FGF12: variants seen among roughly 807,000 people sequenced by gnomAD.
The protein encoded by FGF12 is fibroblast growth factor 12, also known as fibroblast growth factor 12B.
FGF12 carries 14 observed loss-of-function variants against 23.6 expected under a neutral mutation model. The ratio of observed to expected loss-of-function variants is 0.59; its 90% confidence interval spans 0.39 to 0.93. FGF12 has a LOEUF of 0.93. FGF12 is among the 40% of genes least tolerant of loss of function. The pLI is 0.00. For missense variants in FGF12, 175 were observed against 217.8 expected, an observed-to-expected ratio of 0.80 and a Z score of 1.24; for synonymous variants, 62 against 77.3, an observed-to-expected ratio of 0.80 and a Z score of 1.04.
rs7623914 is a variant in FGF12 at position 192,386,245 on chromosome 3, T to C, written c.14-25707A>G. Among the ~76,000 whole-genome samples, 146 of 152,362 alleles carry C rather than the reference T, an allele frequency of 9.6e-4. 1 individual carries two copies. Among genetic ancestry groups the C allele is most frequent in the African/African-American group, 3.3e-3 (137 of 41,586 alleles). On this transcript the variant is annotated intron_variant, in intron 2 of 5. Transcript: ENST00000445105. ...TAGTTTTTCATGGTCTTGAACTCTC[T>C]TCTTGATAGCTCATTCACTCATACA... is the stretch of plus-strand genomic sequence containing the variant.
chr3:192,554,760 T>C (rs1451485485), intron 2 of FGF12, among the ~76,000 whole-genome samples: 2 of 150,874 alleles, frequency 1.3e-5, no homozygotes, highest in Non-Finnish European at 2.9e-5. Flanking sequence ...AGATTTTAAA[T>C]TGCTACTATA....
chr3:192,250,601 C>A (rs9810841), intron 4 of FGF12, among the ~76,000 whole-genome samples: 13,641 of 152,028 alleles, frequency 0.09, 1,185 homozygotes, highest in African/African-American at 0.23. Flanking sequence ...TTGCTGCTAA[C>A]AATAATTCAA....
At chr3:192,662,151 T>C (rs1716693741) in intron 2 of FGF12, among the ~76,000 whole-genome samples, 1 of 152,190 alleles carries the variant, frequency 6.6e-6, no homozygotes, top group Admixed American at 6.5e-5. Context: ...AAGAAGGAAG[T>C]AGCCTCAAGG....
intron 5 of FGF12, 121 bp downstream of exon 5, chr3:192,170,337 T>C (rs1334173970): frequency 5.3e-6 from 4 of 753,844 alleles, no homozygotes; most frequent in Non-Finnish European, 8.9e-6. Flanking sequence ...AATATTTCTT[T>C]TGAATCTTTC....
chr3:192,199,475 CA>C (rs1171804449), intron 4 of FGF12, among the ~76,000 whole-genome samples: 5 of 151,748 alleles, frequency 3.3e-5, no homozygotes. Flanking sequence ...GCATTGTCTG[CA>C]AATACCAAGT....
intron 2 of FGF12, among the ~76,000 whole-genome samples, chr3:192,612,775 A>C (rs1361458843): frequency 1.3e-5 from 2 of 152,010 alleles, no homozygotes; most frequent in Non-Finnish European, 2.9e-5. Flanking sequence ...AAATAGGGAC[A>C]TTTAAGCCAA....
At chr3:192,240,274 C>G (rs1030978005) in intron 4 of FGF12, among the ~76,000 whole-genome samples, 1 of 152,098 alleles carries the variant, frequency 6.6e-6, no homozygotes, top group Non-Finnish European at 1.5e-5. Context: ...TTTTCCAGCC[C>G]AGCAGTGACA....
intron 2 of FGF12, among the ~76,000 whole-genome samples, chr3:192,638,980 T>G (rs756381571): frequency 5.9e-5 from 9 of 152,102 alleles, no homozygotes; most frequent in Middle Eastern, 3.2e-3. Context: ...GCTTTTGCAC[T>G]ACAAAGGAAA....
chr3:192,342,057 CT>C (rs1291401479), intron 3 of FGF12, among the ~76,000 whole-genome samples: 2 of 152,100 alleles, frequency 1.3e-5, no homozygotes, highest in East Asian at 3.9e-4. Context: ...AGTGAAAAGA[CT>C]TTTATCTGTG....
chr3:192,598,026 G>T (rs1159883920), intron 2 of FGF12, among the ~76,000 whole-genome samples: 1 of 152,212 alleles, frequency 6.6e-6, no homozygotes, highest in East Asian at 1.9e-4. Context: ...GTTCCCTATT[G>T]TAAGAACACA....
chr3:192,444,391 C>A (rs1340402820), intron 2 of FGF12, among the ~76,000 whole-genome samples: 2 of 152,072 alleles, frequency 1.3e-5, no homozygotes, highest in Admixed American at 6.6e-5. Context: ...TTTGACTCAG[C>A]CCTCTTTGTT....
chr3:192,617,096 G>A (rs1714785150), intron 2 of FGF12, among the ~76,000 whole-genome samples: 1 of 151,978 alleles, frequency 6.6e-6, no homozygotes, highest in South Asian at 2.1e-4. Context: ...AATGAATACG[G>A]GCTGGTCCAG....
At position 192,335,436 on chromosome 3, in the gene FGF12, C is replaced by T. The variant is rs1717350823; in HGVS notation, c.153G>A (p.Leu51=). ...YTLFNLIPVG[L]RVVAIQGVKA... ...TCACTCCTTGGATGGCCACTACACG[C>T]AGGCCCACGGGAATTAGATTGAAGA... The change falls in exon 4 of 6, where the codon CTG becomes CTA. Residue 51 remains leucine (L), a synonymous_variant. Transcript: ENST00000445105. 1 of 1,612,856 alleles carries T rather than the reference C, an allele frequency of 6.2e-7. No individual in the cohort carries two copies. Among genetic ancestry groups the T allele is most frequent in the Admixed American group, 1.7e-5 (1 of 59,852 alleles).
intron 2 of FGF12, among the ~76,000 whole-genome samples, chr3:192,365,131 T>A (rs1398525806): frequency 6.6e-6 from 1 of 152,080 alleles, no homozygotes. Context: ...AAGGGATAAA[T>A]GCTTGAGGTG....
Position 192,143,265 on chromosome 3 carries a change from A to G in FGF12, c.*744T>C, listed in dbSNP as rs1466872108. 6.6e-6 allele frequency: 1 copy of G among 151,654 alleles called. No individual in the cohort carries two copies. The highest frequency in any genetic ancestry group is 1.5e-5 in the Non-Finnish European group (1 of 67,878). The allele number at this position is 151,654 out of a possible 1,614,324, so 9.4% of individuals were successfully genotyped here. A position where few individuals can be genotyped will look rare whatever the true frequency, so the allele number is the denominator to read the frequency against. Reference sequence around the variant, plus strand: ...AAGAAAGAAGAACTCCGGAAATAATATCTTTGATAAAAATGTTATACTCTA... The same window carrying G: ...AAGAAAGAAGAACTCCGGAAATAATGTCTTTGATAAAAATGTTATACTCTA... On this transcript the variant is annotated 3_prime_UTR_variant, in exon 6 of 6. Transcript: ENST00000445105.
chr3:192,213,192 G>C (rs1024054060), intron 4 of FGF12, among the ~76,000 whole-genome samples: 4 of 152,336 alleles, frequency 2.6e-5, no homozygotes, highest in Non-Finnish European at 5.9e-5. Flanking sequence ...CCCAGCAAGC[G>C]AGCGCCAGAG....
At chr3:192,552,794 G>A (rs990964406) in intron 2 of FGF12, among the ~76,000 whole-genome samples, 8 of 152,100 alleles carry the variant, frequency 5.3e-5, no homozygotes, top group African/African-American at 1.7e-4. Context: ...CGGAGGCTGA[G>A]GCATGAAAAT....
chr3:192,145,552 A>G (rs1032196328), intron 5 of FGF12, among the ~76,000 whole-genome samples: 10 of 152,200 alleles, frequency 6.6e-5, no homozygotes, highest in South Asian at 4.1e-4. Context: ...AATAGATCTC[A>G]GGTGATGTTG....
chr3:192,275,389 T>C (rs563019814), intron 4 of FGF12, among the ~76,000 whole-genome samples: 4 of 152,298 alleles, frequency 2.6e-5, no homozygotes, highest in South Asian at 2.1e-4. Context: ...TCTATATATG[T>C]TTTCCTCTAC....
Sources: gnomAD v4.1 joint callset for allele counts (sites outside exome capture counted in the v4.1 genomes callset) on GRCh38, gnomAD v4.1.1 for gene constraint, MANE v1.5 for transcripts, NCBI Gene and HGNC (gene_info 2026-07-23, HGNC 2026-07-21) for gene names.